Variants in NBEA observed in about 807,000 individuals in gnomAD.
NBEA encodes the protein neurobeachin.
In NBEA, 44 loss-of-function variants were observed where a neutral mutation model predicts 343.4. That is an observed-to-expected ratio of 0.13 (90% confidence interval 0.10 to 0.16). The LOEUF (loss-of-function observed/expected upper bound fraction) is 0.16. NBEA is among the 10% of genes least tolerant of loss of function. NBEA has a pLI of 1.00. For synonymous variants in NBEA, 1,175 were observed against 1,238.7 expected, an observed-to-expected ratio of 0.95 and a Z score of 1.08; for missense variants, 2,555 against 3,631.3, an observed-to-expected ratio of 0.70 and a Z score of 7.62.
intron 36 of NBEA, among the ~76,000 whole-genome samples, chr13:35,337,687 G>A (rs917658612): frequency 6.6e-6 from 1 of 152,118 alleles, no homozygotes; most frequent in Non-Finnish European, 1.5e-5. Flanking sequence ...CTTCACAAGT[G>A]CACATGAAAC....
chr13:35,647,130 T>TAA (rs535105578), intron 51 of NBEA, among the ~76,000 whole-genome samples: 6,117 of 152,320 alleles, frequency 0.04, 166 homozygotes, highest in Non-Finnish European at 0.057. Flanking sequence ...TCCATTTCCA[T>TAA]AAAAAAGTTT....
At chr13:35,081,804 T>C (rs1312474973) in intron 10 of NBEA, among the ~76,000 whole-genome samples, 1 of 152,178 alleles carries the variant, frequency 6.6e-6, no homozygotes, top group South Asian at 2.1e-4. Context: ...AAAAATACTT[T>C]GCGAAATTTA....
At chr13:35,229,245 TG>T (rs2074835372) in intron 33 of NBEA, among the ~76,000 whole-genome samples, 1 of 152,070 alleles carries the variant, frequency 6.6e-6, no homozygotes. Context: ...TTGCTCAGGC[TG>T]GTCTTGAACT....
chr13:35,614,023 C>CT (rs1180246650), intron 48 of NBEA, among the ~76,000 whole-genome samples: 1 of 152,146 alleles, frequency 6.6e-6, no homozygotes, highest in Non-Finnish European at 1.5e-5. Context: ...TATCTTTCAT[C>CT]TTTTTTATAA....
intron 34 of NBEA, among the ~76,000 whole-genome samples, chr13:35,286,121 C>G (rs1351844007): frequency 6.6e-6 from 1 of 152,060 alleles, no homozygotes; most frequent in Non-Finnish European, 1.5e-5. Flanking sequence ...CTCTATGAAC[C>G]CCCTAAGATT....
intron 1 of NBEA, among the ~76,000 whole-genome samples, chr13:34,975,789 A>G (rs557378575): frequency 6.6e-6 from 1 of 152,226 alleles, no homozygotes. Context: ...TTCTCAAAAG[A>G]AGATATACAG....
intron 34 of NBEA, chr13:35,251,819 A>G (rs946862801): frequency 5.8e-6 from 1 of 171,550 alleles, no homozygotes; most frequent in Non-Finnish European, 1.2e-5. Flanking sequence ...GGGGCAGTCC[A>G]TGCTCCTCCA....
chr13:35,206,107 G>T (rs116907121), intron 31 of NBEA, among the ~76,000 whole-genome samples: 3 of 151,918 alleles, frequency 2.0e-5, no homozygotes, highest in Non-Finnish European at 2.9e-5. Context: ...TTTTTAGTAG[G>T]CATTTAACCT....
intron 34 of NBEA, among the ~76,000 whole-genome samples, chr13:35,259,897 A>G (rs2033052757): frequency 6.6e-6 from 1 of 152,174 alleles, no homozygotes; most frequent in African/African-American, 2.4e-5. Context: ...TAAAATATAG[A>G]ATATTTGGAT....
At chr13:35,086,706 C>G (rs920685141) in intron 10 of NBEA, among the ~76,000 whole-genome samples, 1 of 151,828 alleles carries the variant, frequency 6.6e-6, no homozygotes, top group Non-Finnish European at 1.5e-5. Context: ...AATGGTAGTT[C>G]TATTTTAACT....
At chr13:35,062,965 T>A (rs1003998517) in intron 8 of NBEA, among the ~76,000 whole-genome samples, 5 of 152,032 alleles carry the variant, frequency 3.3e-5, no homozygotes, top group South Asian at 2.1e-4. Context: ...TTGACTACAA[T>A]TCAATGGCTA....
chr13:35,637,046 C>A (rs975445540), intron 49 of NBEA, among the ~76,000 whole-genome samples: 2 of 152,050 alleles, frequency 1.3e-5, no homozygotes, highest in Admixed American at 1.3e-4. Context: ...TCATTCCTAC[C>A]CCAACATGTA....
At chr13:35,276,121 A>G (rs2034567607) in intron 34 of NBEA, among the ~76,000 whole-genome samples, 1 of 152,174 alleles carries the variant, frequency 6.6e-6, no homozygotes, top group East Asian at 1.9e-4. Context: ...ATCCCTTACT[A>G]TGAAATCAAT....
chr13:35,602,490 G>A (rs2082098093), intron 47 of NBEA, among the ~76,000 whole-genome samples: 1 of 152,274 alleles, frequency 6.6e-6, no homozygotes, highest in East Asian at 1.9e-4. Flanking sequence ...GATAGCTCTG[G>A]TGTTTGAAAC....
chr13:35,376,303 C>A (rs970243243), intron 38 of NBEA, among the ~76,000 whole-genome samples: 1 of 151,964 alleles, frequency 6.6e-6, no homozygotes, highest in Admixed American at 6.6e-5. Flanking sequence ...GGAGTGAAAG[C>A]CTTCATCACT....
intron 41 of NBEA, among the ~76,000 whole-genome samples, chr13:35,539,915 CA>C (rs71081262): frequency 1.2e-3 from 47 of 39,608 alleles, no homozygotes; most frequent in African/African-American, 3.2e-3. Context: ...GACTCCGTCT[CA>C]AAAAAAAAAA....
At position 35,638,129 on chromosome 13, in the gene NBEA, G is replaced by GT. The variant is rs199853435; in HGVS notation, c.7618-7737dup. Among the ~76,000 whole-genome samples, 717 of 152,228 alleles carry GT rather than the reference G, an allele frequency of 4.7e-3. 2 individuals are homozygous for GT. Among genetic ancestry groups the GT allele is most frequent in the African/African-American group, 0.016 (685 of 41,534 alleles). ...GGACTAGAGGGAGTGGCGAGTTTTT[G>GT]TTTAATAAATATAGCGTTTTAGTTT... On this transcript the variant is annotated intron_variant, in intron 49 of 58. Coordinates refer to ENST00000379939, the MANE Select transcript of NBEA (RefSeq NM_001385012.1).
At chr13:35,460,358 A>G (rs1395189953) in intron 40 of NBEA, among the ~76,000 whole-genome samples, 1 of 152,212 alleles carries the variant, frequency 6.6e-6, no homozygotes, top group Non-Finnish European at 1.5e-5. Context: ...CCAGTCATAA[A>G]TAGTATACCC....
chr13:35,562,783 G>A (rs2079922365), intron 44 of NBEA, among the ~76,000 whole-genome samples: 1 of 151,936 alleles, frequency 6.6e-6, no homozygotes, highest in South Asian at 2.1e-4. Context: ...CAGGAACATC[G>A]CTCTTAAAGA....
Sources: allele counts gnomAD v4.1 joint callset (sites outside exome capture counted in the v4.1 genomes callset), GRCh38; gene constraint gnomAD v4.1.1; transcripts MANE v1.5; gene names NCBI Gene and HGNC (gene_info 2026-07-23, HGNC 2026-07-21).